Variants in ELAVL4 observed in about 807,000 individuals in gnomAD.
ELAVL4 encodes the protein ELAV-like protein 4.
Under a neutral mutation model 35.6 loss-of-function variants are expected in ELAVL4, and 1 was observed. The observed-to-expected ratio is 0.03, with a 90% CI of 0.01 to 0.13. ELAVL4 has a LOEUF of 0.13. Among genes scored for constraint, ELAVL4 ranks in the 10% least tolerant of loss-of-function variants. ELAVL4 has a pLI of 1.00. For synonymous variants in ELAVL4, 156 were observed against 171.0 expected (o/e 0.91, Z 0.69); for missense variants, 267 against 464.9 (o/e 0.57, Z 3.91).
intron 1 of ELAVL4, among the ~76,000 whole-genome samples, chr1:50,055,406 GCTC>G (rs1368430340): frequency 6.6e-6 from 1 of 151,910 alleles, no homozygotes; most frequent in Non-Finnish European, 1.5e-5. Context: ...CTTACACCAT[GCTC>G]CTTCCTCAGC....
At chr1:50,190,220 T>TTG in intron 3 of ELAVL4, among the ~76,000 whole-genome samples, 1 of 152,326 alleles carries the variant, frequency 6.6e-6, no homozygotes, top group East Asian at 1.9e-4. Flanking sequence ...TCCAGGGCGC[T>TTG]GGCTCCAGTG....
intron 2 of ELAVL4, among the ~76,000 whole-genome samples, chr1:50,165,355 A>G (rs555172613): frequency 2.6e-5 from 4 of 151,694 alleles, no homozygotes; most frequent in Admixed American, 2.6e-4. Flanking sequence ...CTCTAACATC[A>G]TGTTAGCAGT....
chr1:50,054,073 AG>A (rs1298668358), intron 1 of ELAVL4, among the ~76,000 whole-genome samples: 1 of 152,206 alleles, frequency 6.6e-6, no homozygotes, highest in Non-Finnish European at 1.5e-5. Context: ...GAGAGGAGTG[AG>A]CAAGGAGGAA....
At chr1:50,117,910 T>A (rs1198937838) in intron 1 of ELAVL4, among the ~76,000 whole-genome samples, 2 of 152,124 alleles carry the variant, frequency 1.3e-5, no homozygotes, top group Non-Finnish European at 2.9e-5. Context: ...ATTGTATGGC[T>A]TTATTAAGTT....
rs1269715532 is a variant in ELAVL4 at position 50,201,197 on chromosome 1, C to G, written c.*19C>G. On this transcript the variant is annotated 3_prime_UTR_variant, in exon 7 of 7. Transcript: ENST00000371824. The surrounding 1 kb of genome is among the most constrained non-coding windows in gnomAD (Gnocchi z 4.3). Reference sequence around the variant, plus strand: ...GTCCTGAATTTCCCATTCTTACTTACTAAAATATATATAGAAATATATACG... The same window carrying G: ...GTCCTGAATTTCCCATTCTTACTTAGTAAAATATATATAGAAATATATACG... 1 of 1,538,350 alleles carries G rather than the reference C, an allele frequency of 6.5e-7. No homozygotes were observed. Among genetic ancestry groups the G allele is most frequent in the African/African-American group, 1.4e-5 (1 of 71,622 alleles).
intron 1 of ELAVL4, among the ~76,000 whole-genome samples, chr1:50,062,839 G>T (rs896905638): frequency 6.6e-6 from 1 of 152,028 alleles, no homozygotes; most frequent in Admixed American, 6.6e-5. Flanking sequence ...GCTTCCCGAT[G>T]ATACAAATAT....
chr1:50,056,929 C>CAAAAAAA (rs35088767), intron 1 of ELAVL4, among the ~76,000 whole-genome samples: 1 of 130,054 alleles, frequency 7.7e-6, no homozygotes. Context: ...AAGACTGTAT[C>CAAAAAAA]AAAAAAAAAA....
At chr1:50,108,479 C>T (rs911477941), upstream of ELAVL4, among the ~76,000 whole-genome samples, 4 of 152,090 alleles carry the variant, frequency 2.6e-5, no homozygotes, top group East Asian at 1.9e-4. Context: ...ATTAAATATG[C>T]ATTTCGCTAG....
intron 1 of ELAVL4, among the ~76,000 whole-genome samples, chr1:50,051,937 C>T (rs1263903889): frequency 1.3e-5 from 2 of 152,084 alleles, no homozygotes; most frequent in Non-Finnish European, 2.9e-5. Context: ...TGTAAAATGG[C>T]TGTCTTGTCT....
At chr1:50,081,020 A>C (rs1017862770) in intron 1 of ELAVL4, among the ~76,000 whole-genome samples, 5 of 152,232 alleles carry the variant, frequency 3.3e-5, no homozygotes, top group African/African-American at 1.2e-4. Context: ...AAGAAGAACC[A>C]GAATCTTTTG....
At chr1:50,062,595 T>G (rs1430494056) in intron 1 of ELAVL4, among the ~76,000 whole-genome samples, 1 of 152,136 alleles carries the variant, frequency 6.6e-6, no homozygotes, top group Non-Finnish European at 1.5e-5. Context: ...TTAGGAAGTG[T>G]TTGTTGAATC....
intron 2 of ELAVL4, among the ~76,000 whole-genome samples, chr1:50,154,267 T>C (rs1193261355): frequency 6.6e-6 from 1 of 152,216 alleles, no homozygotes; most frequent in Non-Finnish European, 1.5e-5. Flanking sequence ...TAACTAACTC[T>C]ACCTAACACA....
intron 1 of ELAVL4, among the ~76,000 whole-genome samples, chr1:50,085,909 A>G (rs1665219025): frequency 6.6e-6 from 1 of 152,158 alleles, no homozygotes; most frequent in African/African-American, 2.4e-5. Flanking sequence ...CATTATTTTC[A>G]TGTATGAGTT....
At chr1:50,138,286 G>C (rs1672228305) in intron 1 of ELAVL4, among the ~76,000 whole-genome samples, 3 of 152,090 alleles carry the variant, frequency 2.0e-5, no homozygotes, top group Admixed American at 2.0e-4. Context: ...AACAATTTGG[G>C]AACTTTCAAT....
At chr1:50,055,957 G>T (rs1346213629) in intron 1 of ELAVL4, among the ~76,000 whole-genome samples, 4 of 152,144 alleles carry the variant, frequency 2.6e-5, no homozygotes, top group African/African-American at 9.7e-5. Flanking sequence ...TTTTGCTGCT[G>T]GAGGTTTGAG....
At chr1:50,131,559 G>T (rs914585444) in intron 1 of ELAVL4, among the ~76,000 whole-genome samples, 1 of 152,048 alleles carries the variant, frequency 6.6e-6, no homozygotes, top group African/African-American at 2.4e-5. Context: ...GGAGGCCGAG[G>T]AGGGCTGATC....
intron 1 of ELAVL4, among the ~76,000 whole-genome samples, chr1:50,111,839 G>A (rs1285873585): frequency 6.6e-6 from 1 of 152,070 alleles, no homozygotes; most frequent in Non-Finnish European, 1.5e-5. Context: ...ATGATGGTGG[G>A]TACCATAAGG....
intron 1 of ELAVL4, among the ~76,000 whole-genome samples, chr1:50,129,856 G>C (rs1267843708): frequency 6.6e-6 from 1 of 152,160 alleles, no homozygotes; most frequent in Non-Finnish European, 1.5e-5. Context: ...TTTGGACAAG[G>C]AAAATGAACA....
chr1:50,148,608 C>T (rs1468824002), intron 2 of ELAVL4, among the ~76,000 whole-genome samples: 3 of 152,168 alleles, frequency 2.0e-5, no homozygotes, highest in Non-Finnish European at 2.9e-5. Flanking sequence ...AGAAGAAAGG[C>T]ATATCCTGAG....
Sources: allele counts gnomAD v4.1 joint callset (sites outside exome capture counted in the v4.1 genomes callset), GRCh38; gene constraint gnomAD v4.1.1; non-coding constraint Gnocchi (gnomAD v3.1); transcripts MANE v1.5; gene names NCBI Gene and HGNC (gene_info 2026-07-23, HGNC 2026-07-21).